BOLL: variants seen among roughly 807,000 people sequenced by gnomAD.
The protein encoded by BOLL is boule RNA binding protein, also known as protein boule-like.
Under a neutral mutation model 44.4 loss-of-function variants are expected in BOLL, and 23 were observed. That is an observed-to-expected ratio of 0.52 (90% CI 0.37 to 0.73). The LOEUF (loss-of-function observed/expected upper bound fraction) is 0.73. Among genes scored for constraint, BOLL ranks in the 30% least tolerant of loss-of-function variants. The pLI, the probability that BOLL is intolerant of heterozygous loss-of-function variation, is 0.00. For missense variants in BOLL, 287 were observed against 338.3 expected (o/e 0.85, Z 1.19); for synonymous variants, 97 against 110.8 (o/e 0.88, Z 0.78).
chr2:197,754,266 C>T (rs1688398907), intron 9 of BOLL, among the ~76,000 whole-genome samples: 1 of 151,978 alleles, frequency 6.6e-6, no homozygotes, highest in Admixed American at 6.5e-5. Context: ...GCATATGTAT[C>T]CCAGAATGTA....
chr2:197,781,599 A>T lies in BOLL; in HGVS notation c.129+123T>A, dbSNP rs1419376411. The T allele has an allele frequency of 1.0e-5, 10 of 1,004,300 alleles. No individual in the cohort carries two copies. In the Middle Eastern group the frequency reaches 7.0e-4, roughly 71 times the overall value. The allele number at this position is 1,004,300 out of a possible 1,614,324, so 62.2% of individuals were successfully genotyped here. On this transcript the variant is annotated intron_variant, in intron 2 of 10. Transcript: ENST00000392296. ...GGTTGAAAAGATTCTTTATAATAAG[A>T]TAATTCAAAATCTGTTAATCATTAT...
intron 7 of BOLL, chr2:197,759,010 CG>C (rs1559406620): frequency 6.5e-7 from 1 of 1,534,904 alleles, no homozygotes; most frequent in Non-Finnish European, 8.7e-7. Context: ...TTAATTCCCT[CG>C]TAAAAAAAGA....
chr2:197,784,254 G>A (rs1191458718), intron 1 of BOLL, among the ~76,000 whole-genome samples: 1 of 151,422 alleles, frequency 6.6e-6, no homozygotes, highest in African/African-American at 2.4e-5. Context: ...AGCATCTAAA[G>A]TACTGACAGT....
intron 7 of BOLL, among the ~76,000 whole-genome samples, chr2:197,761,568 A>G (rs1296803478): frequency 6.6e-6 from 1 of 152,214 alleles, no homozygotes; most frequent in African/African-American, 2.4e-5. Flanking sequence ...ATAACCAGAA[A>G]ATGATAAATA....
intron 5 of BOLL, 152 bp downstream of exon 5, chr2:197,775,513 G>C: frequency 1.9e-6 from 1 of 517,748 alleles, no homozygotes. Flanking sequence ...TTATTTTGTG[G>C]CAAAAATATT....
chr2:197,778,290 G>A (rs1258368623), intron 3 of BOLL, among the ~76,000 whole-genome samples: 2 of 151,614 alleles, frequency 1.3e-5, no homozygotes, highest in Non-Finnish European at 2.9e-5. Flanking sequence ...TGTATGTCTC[G>A]TCTCTCTTTC....
At chr2:197,736,017 C>A (rs919423308) in intron 10 of BOLL, among the ~76,000 whole-genome samples, 1 of 152,092 alleles carries the variant, frequency 6.6e-6, no homozygotes, top group Non-Finnish European at 1.5e-5. Context: ...CGAACTTTTT[C>A]TCTGTGGTAG....
intron 7 of BOLL, among the ~76,000 whole-genome samples, chr2:197,760,603 G>C (rs1238496561): frequency 6.6e-6 from 1 of 152,188 alleles, no homozygotes; most frequent in Non-Finnish European, 1.5e-5. Context: ...CTGAGGAACA[G>C]CTCAGCAAGC....
chr2:197,784,421 T>C lies in BOLL; in HGVS notation c.-16+635A>G, dbSNP rs1182472863. Among the ~76,000 whole-genome samples, 12 of 107,486 alleles carry C rather than the reference T, an allele frequency of 1.1e-4. 1 individual carries two copies. The highest frequency in any genetic ancestry group is 3.7e-4 in the African/African-American group (10 of 27,346). 70.5% of individuals were successfully genotyped at this position (107,486 alleles called of 152,430 possible). A position where few individuals can be genotyped will look rare whatever the true frequency, so the allele number is the denominator to read the frequency against. On this transcript the variant is annotated intron_variant, in intron 1 of 10. Transcript: ENST00000392296. ...ATATATATATATATATATATATATA[T>C]ATATATATATATATATATATATATA...
chr2:197,744,565 G>A (rs1435684214), intron 9 of BOLL, among the ~76,000 whole-genome samples: 1 of 152,176 alleles, frequency 6.6e-6, no homozygotes, highest in African/African-American at 2.4e-5. Context: ...CAGCAGGTGA[G>A]GAGTGAATGA....
At chr2:197,774,795 A>G (rs1325983037) in intron 5 of BOLL, 2 of 151,940 alleles carry the variant, frequency 1.3e-5, no homozygotes, top group African/African-American at 4.8e-5. Flanking sequence ...AACAAATACT[A>G]AGTCAAAATT....
At chr2:197,731,708 A>G (rs1687189056) in intron 10 of BOLL, among the ~76,000 whole-genome samples, 1 of 152,146 alleles carries the variant, frequency 6.6e-6, no homozygotes, top group Admixed American at 6.5e-5. Context: ...CTGCTCCTGA[A>G]TGACTACTGG....
intron 5 of BOLL, among the ~76,000 whole-genome samples, chr2:197,772,895 C>A (rs1487957112): frequency 6.6e-6 from 1 of 151,890 alleles, no homozygotes. Flanking sequence ...AATGCAAATT[C>A]CAGGGACTTA....
chr2:197,775,044 T>A (rs2106382396), intron 5 of BOLL, among the ~76,000 whole-genome samples: 1 of 151,946 alleles, frequency 6.6e-6, no homozygotes, highest in South Asian at 2.1e-4. Flanking sequence ...CCAAAGACTG[T>A]TAGGAATTTT....
intron 7 of BOLL, among the ~76,000 whole-genome samples, chr2:197,761,645 A>C (rs1688763469): frequency 6.6e-6 from 1 of 152,310 alleles, no homozygotes; most frequent in East Asian, 1.9e-4. Context: ...TCTCCATTTA[A>C]AAGATAGAGA....
rs573658606 is a variant in BOLL, at chr2:197,779,061, G to T, written c.135C>A (p.Asn45Lys). The T allele has an allele frequency of 1.9e-6, 3 of 1,604,928 alleles. No homozygotes were observed. The highest frequency in any genetic ancestry group is 2.2e-5 in the South Asian group (2 of 90,590). ...IFVGGIDFKTNESDLRKFFSQ... is the reference protein window; with the variant it reads ...IFVGGIDFKTKESDLRKFFSQ... Reference sequence around the variant, plus strand: ...AAAAAAATTTTCTTAAATCACTTTCGTTTGTCTAATGGCATAAAAAGAAAA... The same window carrying T: ...AAAAAAATTTTCTTAAATCACTTTCTTTTGTCTAATGGCATAAAAAGAAAA... Residue 45 changes from asparagine (N) to lysine (K), a missense_variant, in exon 3 of 11, where the codon AAC becomes AAA. Physicochemically the swap from Asn to Lys is moderately conservative, Grantham distance 94. Coordinates refer to ENST00000392296, the MANE Select transcript of BOLL (RefSeq NM_033030.6).
intron 10 of BOLL, among the ~76,000 whole-genome samples, chr2:197,729,115 C>A (rs537254326): frequency 2.6e-5 from 4 of 152,122 alleles, no homozygotes; most frequent in Non-Finnish European, 4.4e-5. Flanking sequence ...TCAGTGGGTG[C>A]GTGCACCGTG....
intron 10 of BOLL, among the ~76,000 whole-genome samples, chr2:197,736,363 A>T (rs1472888351): frequency 6.6e-6 from 1 of 152,144 alleles, no homozygotes; most frequent in South Asian, 2.1e-4. Context: ...GAGAATAAGG[A>T]GACATGACAA....
intron 6 of BOLL, among the ~76,000 whole-genome samples, chr2:197,770,072 G>C (rs1273963990): frequency 6.6e-6 from 1 of 152,122 alleles, no homozygotes; most frequent in East Asian, 1.9e-4. Flanking sequence ...AACAAAGCTG[G>C]AGGCATCACG....
Sources: gnomAD v4.1 joint callset for allele counts (sites outside exome capture counted in the v4.1 genomes callset) on GRCh38, gnomAD v4.1.1 for gene constraint, MANE v1.5 for transcripts, NCBI Gene and HGNC (gene_info 2026-07-23, HGNC 2026-07-21) for gene names.